The following ITSN2 variants were observed in gnomAD, a reference collection of about 807,000 sequenced individuals.
ITSN2 encodes the protein intersectin 2.
Under a neutral mutation model 243.7 loss-of-function variants are expected in ITSN2, and 156 were observed. The observed-to-expected ratio is 0.64, with a 90% CI of 0.56 to 0.73. The LOEUF is 0.73. ITSN2 is among the 30% of genes least tolerant of loss of function. ITSN2 has a pLI of 0.00. For missense variants in ITSN2, 1,801 were observed against 1,996.1 expected, an observed-to-expected ratio of 0.90 and a Z score of 1.86; for synonymous variants, 703 against 699.9, an observed-to-expected ratio of 1.00 and a Z score of -0.07.
At chr2:24,239,014 A>G (rs571151750) in intron 29 of ITSN2, 1 of 152,584 alleles carries the variant, frequency 6.6e-6, no homozygotes, top group Non-Finnish European at 1.5e-5. Context: ...ATCTCATGCC[A>G]AGCGTGCCCA....
At chr2:24,220,772 G>A in intron 30 of ITSN2, 173 bp downstream of exon 30, 1 of 1,414,506 alleles carries the variant, frequency 7.1e-7, no homozygotes, top group Non-Finnish European at 9.2e-7. Context: ...TTATCCGGCA[G>A]GCAGAGACAG....
intron 37 of ITSN2, 90 bp from the exon 38 acceptor site, chr2:24,205,387 G>T: frequency 9.3e-7 from 1 of 1,074,974 alleles, no homozygotes; most frequent in Non-Finnish European, 1.4e-6. Flanking sequence ...CCGGCTCCCT[G>T]TCCCCATCTG....
Position 24,204,301 on chromosome 2 carries a change from A to AG in ITSN2, c.4879dup (p.Leu1627ProfsTer12). 1 of 1,614,176 alleles carries AG rather than the reference A, an allele frequency of 6.2e-7. No homozygotes were observed. Among genetic ancestry groups the AG allele is most frequent in the Non-Finnish European group, 8.5e-7 (1 of 1,180,028 alleles). ...GGTGAGACACAGCACGTCTTGGTAG[A>AG]GATCCTTAATAAAGAACTGGCAGTT... On this transcript the variant is annotated frameshift_variant, in exon 39 of 40. Transcript: ENST00000355123. LOFTEE classifies it high-confidence loss of function. The surrounding 1 kb of genome is among the most constrained non-coding windows in gnomAD (Gnocchi z 5.1).
In ITSN2 at chr2:24,261,102, A is replaced by G; in HGVS notation, c.2682+4T>C. On this transcript the variant is annotated splice_donor_region_variant and intron_variant, in intron 22 of 39. Transcript: ENST00000355123. The stretch of plus-strand genomic sequence containing the variant: ...AAAGCCCACAAAAATAACAGACAAC[A>G]TACCTGTCCATGAATAGGTGATACA... 6.2e-7 allele frequency: 1 copy of G among 1,610,900 alleles called. No homozygotes were observed. The highest frequency in any genetic ancestry group is 8.5e-7 in the Non-Finnish European group (1 of 1,178,912).
chr2:24,281,895 C>T (rs771353502), intron 17 of ITSN2, among the ~76,000 whole-genome samples: 1 of 152,222 alleles, frequency 6.6e-6, no homozygotes, highest in Non-Finnish European at 1.5e-5. Flanking sequence ...CTGGCCTAGG[C>T]TGAGTTATAT....
rs202087027 is a variant in ITSN2, at chr2:24,313,498, T to C, written c.150A>G (p.Leu50=). The part of the protein sequence containing the change: ...ITGDQARNFF[L]QSGLPAPVLA... ...AAACAGGGGCCGGCAGACCTGATTGTAGGAAAAAATTACGTGCTTGATCAC... is the reference window on the plus strand; with the variant it reads ...AAACAGGGGCCGGCAGACCTGATTGCAGGAAAAAATTACGTGCTTGATCAC... The change falls in exon 4 of 40, where the codon CTA becomes CTG. Residue 50 remains leucine, a synonymous_variant. Coordinates refer to ENST00000355123, the MANE Select transcript of ITSN2 (RefSeq NM_006277.3). 1.8e-5 allele frequency: 29 copies of C among 1,613,396 alleles called. 1 individual carries two copies. Among genetic ancestry groups the C allele is most frequent in the Middle Eastern group, 1.7e-4 (1 of 6,012 alleles).
chr2:24,260,995 G>A lies in ITSN2; in HGVS notation c.2682+111C>T, dbSNP rs958772994. On this transcript the variant is annotated intron_variant, in intron 22 of 39. Coordinates refer to ENST00000355123, the MANE Select transcript of ITSN2 (RefSeq NM_006277.3). ...CATGTGAATAAGAAAGAAACTGAATGCTACAAACTCTGGTTAAATGAGTGA... is the reference window on the plus strand; with the variant it reads ...CATGTGAATAAGAAAGAAACTGAATACTACAAACTCTGGTTAAATGAGTGA... 6 of 863,500 alleles carry A rather than the reference G, an allele frequency of 6.9e-6. No individual in the cohort carries two copies. The African/African-American group carries it at 1.0e-4, about 15-fold the overall frequency. 53.5% of individuals were successfully genotyped at this position (863,500 alleles called of 1,614,324 possible).
intron 1 of ITSN2, among the ~76,000 whole-genome samples, chr2:24,341,696 T>C (rs1345137074): frequency 1.3e-5 from 2 of 152,096 alleles, no homozygotes; most frequent in Non-Finnish European, 2.9e-5. Context: ...GTCAACATGG[T>C]GAAACCCTGT....
At chr2:24,224,007 G>C (rs1670776365) in intron 29 of ITSN2, among the ~76,000 whole-genome samples, 1 of 151,928 alleles carries the variant, frequency 6.6e-6, no homozygotes, top group East Asian at 1.9e-4. Context: ...GGGTAACTGA[G>C]TGTTAAAAAA....
chr2:24,207,507 G>A (rs1669022350), intron 37 of ITSN2, among the ~76,000 whole-genome samples: 1 of 152,086 alleles, frequency 6.6e-6, no homozygotes. Flanking sequence ...GGAGAGTGTG[G>A]CTAGCCTGAC....
chr2:24,320,570 C>G (rs1371747146), intron 2 of ITSN2, among the ~76,000 whole-genome samples: 1 of 137,702 alleles, frequency 7.3e-6, no homozygotes, highest in African/African-American at 2.7e-5. Flanking sequence ...AAAAAATTAG[C>G]CAGTGGTGGT....
intron 1 of ITSN2, among the ~76,000 whole-genome samples, chr2:24,345,127 T>C (rs1687403506): frequency 6.6e-6 from 1 of 152,164 alleles, no homozygotes; most frequent in Non-Finnish European, 1.5e-5. Flanking sequence ...ACACTTAGAG[T>C]ACTTCTCAAT....
rs185525044 is a variant in ITSN2 at position 24,263,414 on chromosome 2, T to C, written c.2356-1672A>G. Among the ~76,000 whole-genome samples, 398 of 152,318 alleles carry C rather than the reference T, an allele frequency of 2.6e-3. 3 individuals are homozygous for C. The highest frequency in any genetic ancestry group is 9.2e-3 in the African/African-American group (383 of 41,564). ...ATCCATTCATATTTTTAAAAACTGC[T>C]TTCTCAGATATCATTAATATAAATT... On this transcript the variant is annotated intron_variant, in intron 20 of 39. Coordinates refer to ENST00000355123, the MANE Select transcript of ITSN2 (RefSeq NM_006277.3).
intron 13 of ITSN2, 89 bp downstream of exon 13, chr2:24,298,576 G>A (rs951773482): frequency 7.9e-7 from 1 of 1,273,380 alleles, no homozygotes; most frequent in Admixed American, 2.3e-5. Flanking sequence ...GATAACAGGT[G>A]TGAGCCACCA....
At chr2:24,332,872 T>G (rs982160669) in intron 1 of ITSN2, among the ~76,000 whole-genome samples, 4 of 152,226 alleles carry the variant, frequency 2.6e-5, no homozygotes, top group African/African-American at 9.6e-5. Flanking sequence ...AATACACTTC[T>G]GTTGATCACA....
intron 1 of ITSN2, among the ~76,000 whole-genome samples, chr2:24,349,393 T>C (rs540854269): frequency 3.7e-4 from 57 of 152,292 alleles, no homozygotes; most frequent in Middle Eastern, 6.8e-3. Context: ...TGAGTGGTCA[T>C]AGACTTTTTT....
chr2:24,270,734 T>C lies in ITSN2; in HGVS notation c.2292A>G (p.Ala764=), dbSNP rs765250007. The C allele has an allele frequency of 6.2e-7, 1 of 1,600,456 alleles. No individual in the cohort carries two copies. The highest frequency in any genetic ancestry group is 1.3e-5 in the African/African-American group (1 of 74,594). Reference sequence around the variant, plus strand: ...GGTTCCTTGCTTCAAAGGGGTATAATGCTCTATAATTCACCAAAACACTAG... The same window carrying C: ...GGTTCCTTGCTTCAAAGGGGTATAACGCTCTATAATTCACCAAAACACTAG... The part of the protein sequence containing the change: ...ETASVLVNYR[A]LYPFEARNHD... Residue 764 remains alanine, a synonymous_variant, in exon 20 of 40, where the codon GCA becomes GCG. Transcript: ENST00000355123.
At chr2:24,267,793 G>A (rs532237607) in intron 20 of ITSN2, among the ~76,000 whole-genome samples, 10 of 152,250 alleles carry the variant, frequency 6.6e-5, no homozygotes, top group Non-Finnish European at 1.2e-4. Context: ...CAGTACCTAC[G>A]TGATACTCCT....
chr2:24,349,208 G>A (rs1314512740), intron 1 of ITSN2, among the ~76,000 whole-genome samples: 6 of 151,972 alleles, frequency 3.9e-5, no homozygotes, highest in Non-Finnish European at 7.4e-5. Context: ...AAAATTACCA[G>A]GAAAAAATAA....
Sources: allele counts gnomAD v4.1 joint callset (sites outside exome capture counted in the v4.1 genomes callset), GRCh38; gene constraint gnomAD v4.1.1; non-coding constraint Gnocchi (gnomAD v3.1); transcripts MANE v1.5; gene names NCBI Gene and HGNC (gene_info 2026-07-23, HGNC 2026-07-21).